The following USP46 variants were observed in gnomAD, a reference collection of about 807,000 sequenced individuals.
USP46 encodes ubiquitin specific peptidase 46, also known as ubiquitin carboxyl-terminal hydrolase 46.
In USP46, 12 loss-of-function variants were observed where a neutral mutation model predicts 44.4. The observed-to-expected ratio is 0.27, with a 90% CI of 0.17 to 0.44. The LOEUF (loss-of-function observed/expected upper bound fraction) is 0.44, where lower values mean the gene tolerates loss of function less well. Ranked by LOEUF, USP46 falls within the 20% of genes least tolerant of loss-of-function variation. The pLI is 1.00. For missense variants in USP46, 248 were observed against 444.8 expected (o/e 0.56, Z 3.98); for synonymous variants, 155 against 161.5 (o/e 0.96, Z 0.31).
rs115382085 is a variant in USP46 at position 52,650,453 on chromosome 4, G to A, written c.36+8662C>T. 3.5e-3 allele frequency among the ~76,000 whole-genome samples: 529 copies of A among 152,312 alleles called. 5 individuals are homozygous for A. The highest frequency in any genetic ancestry group is 0.012 in the African/African-American group (511 of 41,572). On this transcript the variant is annotated intron_variant, in intron 1 of 8. Coordinates refer to ENST00000441222, the MANE Select transcript of USP46 (RefSeq NM_022832.4). Reference sequence around the variant, plus strand: ...TTTGGTAAACACCATATCAACTTCAGGAAAATGGTTTGCTCTGGGAGGAAG... The same window carrying A: ...TTTGGTAAACACCATATCAACTTCAAGAAAATGGTTTGCTCTGGGAGGAAG...
At chr4:52,609,993 T>G (rs979575855) in intron 5 of USP46, among the ~76,000 whole-genome samples, 65 of 122,408 alleles carry the variant, frequency 5.3e-4, no homozygotes, top group Admixed American at 1.2e-3. Context: ...TGGCGCGATC[T>G]CGACTCACTG....
intron 4 of USP46, among the ~76,000 whole-genome samples, chr4:52,615,825 GA>G (rs200022155): frequency 4.0e-5 from 6 of 151,638 alleles, no homozygotes; most frequent in Non-Finnish European, 5.9e-5. Flanking sequence ...ATTACTTAAA[GA>G]AAAAAAATCA....
chr4:52,610,683 T>G lies in USP46; in HGVS notation c.562-66A>C. On this transcript the variant is annotated intron_variant, in intron 4 of 8. Coordinates refer to ENST00000441222, the MANE Select transcript of USP46 (RefSeq NM_022832.4). ...TGTAGTAGATAAAACTTTGAACATGTATAGGTAATCACCGACTGCAATAAA... is the reference window on the plus strand; with the variant it reads ...TGTAGTAGATAAAACTTTGAACATGGATAGGTAATCACCGACTGCAATAAA... The G allele has an allele frequency of 3.4e-6, 5 of 1,464,340 alleles. No individual in the cohort carries two copies. In the East Asian group the frequency reaches 1.1e-4, roughly 34 times the overall value. The allele number at this position is 1,464,340 out of a possible 1,614,324, so 90.7% of individuals were successfully genotyped here. A position where few individuals can be genotyped will look rare whatever the true frequency, so the allele number is the denominator to read the frequency against.
rs147438786 is a variant in USP46, at chr4:52,634,920, T to C, written c.37-3776A>G. Among the ~76,000 whole-genome samples the C allele has an allele frequency of 5.1e-3, 778 of 152,312 alleles. 9 individuals carry two copies. Among genetic ancestry groups the C allele is most frequent in the Non-Finnish European group, 4.7e-3 (319 of 68,038 alleles). ...TCTCGCAGCAACTTGATGTCCTATT[T>C]TTCAATTGTCTTTTATTTCACTCCA... On this transcript the variant is annotated intron_variant, in intron 1 of 8. Transcript: ENST00000441222.
intron 4 of USP46, among the ~76,000 whole-genome samples, chr4:52,625,442 C>T (rs1006719785): frequency 9.9e-5 from 15 of 152,104 alleles, no homozygotes; most frequent in Non-Finnish European, 1.9e-4. Flanking sequence ...GAAAATATGA[C>T]ATCCTGAATC....
Position 52,591,444 on chromosome 4 carries a change from G to C in USP46, c.*6196C>G, listed in dbSNP as rs1716008494. 1 of 152,190 alleles carries C rather than the reference G, an allele frequency of 6.6e-6. No individual in the cohort carries two copies. The highest frequency in any genetic ancestry group is 6.5e-5 in the Admixed American group (1 of 15,274). 9.4% of individuals were successfully genotyped at this position (152,190 alleles called of 1,614,324 possible). On this transcript the variant is annotated 3_prime_UTR_variant, in exon 9 of 9. Coordinates refer to ENST00000441222, the MANE Select transcript of USP46 (RefSeq NM_022832.4). ...TGCCTGAACTCCTTTTCCAAGAAGA[G>C]CTTCTGTAGAATTCCACACTGCCTT...
At chr4:52,627,643 T>A (rs191637994) in intron 3 of USP46, among the ~76,000 whole-genome samples, 1 of 152,310 alleles carries the variant, frequency 6.6e-6, no homozygotes, top group Admixed American at 6.5e-5. Context: ...CCAATGAGTA[T>A]CCCACTCCGA....
In USP46 at chr4:52,627,987, T is replaced by C; in HGVS notation, c.294A>G (p.Pro98=). Residue 98 remains proline (P), a synonymous_variant, in exon 3 of 9, where the codon CCA becomes CCG. Transcript: ENST00000441222. The part of the protein sequence containing the change: ...ATQKKKVGVI[P]PKKFISRLRK... The stretch of plus-strand genomic sequence containing the variant: ...TCAGCCTTGAAATGAACTTCTTTGG[T>C]GGGATGACGCCAACCTTCTTCTTCT... 1 of 1,613,814 alleles carries C rather than the reference T, an allele frequency of 6.2e-7. No homozygotes were observed. The highest frequency in any genetic ancestry group is 1.1e-5 in the South Asian group (1 of 91,044).
At chr4:52,644,056 G>A (rs1718448411) in intron 1 of USP46, among the ~76,000 whole-genome samples, 1 of 152,144 alleles carries the variant, frequency 6.6e-6, no homozygotes, top group Admixed American at 6.5e-5. Flanking sequence ...GAGTGGCTAC[G>A]AATGCCTGAC....
chr4:52,592,706 G>A lies in USP46; in HGVS notation c.*4934C>T. ...ATACAAAAATTACCCGGGTATAGTG[G>A]CACATGCCTGTAGTCCCAGCTACTT... is the stretch of plus-strand genomic sequence containing the variant. On this transcript the variant is annotated 3_prime_UTR_variant, in exon 9 of 9. Coordinates refer to ENST00000441222, the MANE Select transcript of USP46 (RefSeq NM_022832.4). 1 of 393,568 alleles carries A rather than the reference G, an allele frequency of 2.5e-6. No homozygotes were observed. Among genetic ancestry groups the A allele is most frequent in the Non-Finnish European group, 4.5e-6 (1 of 223,472 alleles). The allele number at this position is 393,568 out of a possible 1,614,324, so 24.4% of individuals were successfully genotyped here.
intron 1 of USP46, among the ~76,000 whole-genome samples, chr4:52,640,858 T>C (rs1207708826): frequency 2.0e-5 from 3 of 149,866 alleles, no homozygotes; most frequent in Middle Eastern, 6.5e-3. Context: ...GAAAGTTTAG[T>C]AAACAAATGT....
intron 4 of USP46, among the ~76,000 whole-genome samples, chr4:52,618,649 T>C (rs190692253): frequency 5.9e-5 from 9 of 152,280 alleles, no homozygotes; most frequent in Admixed American, 5.9e-4. Context: ...GGTGATGAGG[T>C]GGCTGTTCTG....
chr4:52,602,159 T>G, intron 6 of USP46, 105 bp from the exon 7 acceptor site: 1 of 1,290,206 alleles, frequency 7.8e-7, no homozygotes, highest in Non-Finnish European at 1.1e-6. Context: ...CTATCCAACT[T>G]CAAACCAGCA....
At chr4:52,655,390 C>T (rs1718913528) in intron 1 of USP46, 1 of 152,212 alleles carries the variant, frequency 6.6e-6, no homozygotes. Context: ...AACTCGTAAT[C>T]ATTTGATACA....
intron 3 of USP46, among the ~76,000 whole-genome samples, chr4:52,626,625 T>C (rs901616898): frequency 6.6e-6 from 1 of 152,156 alleles, no homozygotes; most frequent in Non-Finnish European, 1.5e-5. Flanking sequence ...GCCTGGCCCA[T>C]ACTTCAACTT....
At position 52,626,163 on chromosome 4, in the gene USP46, T is replaced by C. The variant is rs777252006; in HGVS notation, c.416A>G (p.Glu139Gly). Residue 139 changes from glutamate to glycine, a missense_variant, in exon 4 of 9, where the codon GAG becomes GGG. Glu to Gly is a moderately conservative substitution (Grantham distance 98). Coordinates refer to ENST00000441222, the MANE Select transcript of USP46 (RefSeq NM_022832.4). ...LNTIADILQE[E>G]KKQEKQNGKL... ...TCCATTTTGTTTTTCCTGTTTCTTC[T>C]CCTCCTGAAGGATGTCCGCAATAGT... 6 of 1,613,892 alleles carry C rather than the reference T, an allele frequency of 3.7e-6. No homozygotes were observed. Among genetic ancestry groups the C allele is most frequent in the Non-Finnish European group, 5.1e-6 (6 of 1,179,844 alleles).
intron 1 of USP46, among the ~76,000 whole-genome samples, chr4:52,650,588 T>C (rs553991092): frequency 6.6e-6 from 1 of 152,318 alleles, no homozygotes; most frequent in African/African-American, 2.4e-5. Context: ...AGTAACCAAA[T>C]ATGGCTACAT....
chr4:52,598,810 T>C (rs368947495), intron 7 of USP46, 104 bp from the exon 8 acceptor site: 5 of 1,090,816 alleles, frequency 4.6e-6, no homozygotes, highest in South Asian at 3.0e-5. Context: ...AAAAAAACTA[T>C]GTCATCAGCG....
chr4:52,653,285 C>T (rs988651048), intron 1 of USP46, among the ~76,000 whole-genome samples: 2 of 151,970 alleles, frequency 1.3e-5, no homozygotes, highest in African/African-American at 4.8e-5. Context: ...GCGGGCGGAT[C>T]ACCTGAGGTC....
Sources: gnomAD v4.1 joint callset for allele counts (sites outside exome capture counted in the v4.1 genomes callset) on GRCh38, gnomAD v4.1.1 for gene constraint, MANE v1.5 for transcripts, NCBI Gene and HGNC (gene_info 2026-07-23, HGNC 2026-07-21) for gene names.